EIF3B: variants seen among roughly 807,000 people sequenced by gnomAD.
EIF3B encodes the protein eukaryotic translation initiation factor 3 subunit 9.
In EIF3B, 10 loss-of-function variants were observed where a neutral mutation model predicts 104.6. That is an observed-to-expected ratio of 0.10 (90% CI 0.06 to 0.16). The LOEUF is 0.16. Ranked by LOEUF, EIF3B falls within the 10% of genes least tolerant of loss-of-function variation. EIF3B has a pLI of 1.00. For missense variants in EIF3B, 1,014 were observed against 1,087.9 expected, an observed-to-expected ratio of 0.93 and a Z score of 0.96; for synonymous variants, 542 against 417.2, an observed-to-expected ratio of 1.30 and a Z score of -3.65.
chr7:2,355,028 G>C lies in EIF3B; in HGVS notation c.107G>C (p.Arg36Pro). 4 of 1,191,470 alleles carry C rather than the reference G, an allele frequency of 3.4e-6. No homozygotes were observed. Among genetic ancestry groups the C allele is most frequent in the Non-Finnish European group, 4.2e-6 (4 of 963,110 alleles). 73.8% of individuals were successfully genotyped at this position (1,191,470 alleles called of 1,614,324 possible). A position where few individuals can be genotyped will look rare whatever the true frequency, so the allele number is the denominator to read the frequency against. Residue 36 changes from arginine (R) to proline (P), a missense_variant, in exon 1 of 19, where the codon CGG becomes CCG. By Grantham distance (103) the Arg-to-Pro change is moderately radical. This residue lies in a region of EIF3B where 488 missense variants were observed against 404.3 expected (regional missense o/e 1.21). Transcript: ENST00000360876. ...CCGCCGCCAGCCGAGGGGCTGCTGC[G>C]GCCCGCGGGGCCCGGCGCTCCGGAG... ...AEPPPAEGLL[R>P]PAGPGAPEAA...
intron 12 of EIF3B, chr7:2,374,098 GAGTT>G (rs1780508346): frequency 6.4e-6 from 1 of 155,046 alleles, no homozygotes. Flanking sequence ...CCGGAAGTAA[GAGTT>G]AGTACCTGCA....
intron 5 of EIF3B, 132 bp from the exon 6 acceptor site, chr7:2,364,240 A>C: frequency 3.8e-6 from 3 of 799,636 alleles, no homozygotes; most frequent in Non-Finnish European, 5.8e-6. Context: ...CCAGCCTGGG[A>C]GACAGCGAGA....
intron 16 of EIF3B, 165 bp downstream of exon 16, chr7:2,378,931 G>A (rs531354586): frequency 1.5e-4 from 117 of 765,502 alleles, no homozygotes; most frequent in East Asian, 6.7e-4. Flanking sequence ...GGGTTGGCAC[G>A]GGGACTTGGA....
intron 12 of EIF3B, chr7:2,374,263 A>T (rs1780516927): frequency 2.8e-6 from 1 of 356,696 alleles, no homozygotes; most frequent in Non-Finnish European, 5.2e-6. Flanking sequence ...TGTAAAGGGA[A>T]TTCTTTGTCC....
At chr7:2,354,797 G>GCGT (rs2115263603), upstream of EIF3B, 1 of 966,940 alleles carries the variant, frequency 1.0e-6, no homozygotes, top group Non-Finnish European at 1.2e-6. Context: ...CCGCCCCGCG[G>GCGT]CCTTGGTGCG....
At chr7:2,355,759 A>T (rs1273742531) in intron 1 of EIF3B, among the ~76,000 whole-genome samples, 1 of 152,096 alleles carries the variant, frequency 6.6e-6, no homozygotes, top group South Asian at 2.1e-4. Flanking sequence ...AGCTGGGGGT[A>T]CGGCAAAAAC....
intron 8 of EIF3B, 142 bp downstream of exon 8, chr7:2,366,733 C>A: frequency 2.0e-6 from 2 of 983,754 alleles, no homozygotes; most frequent in East Asian, 2.5e-5. Flanking sequence ...GCCTTTTTAA[C>A]TGCCCCTGCT....
At chr7:2,374,841 C>T (rs1583178056) in intron 13 of EIF3B, 2 of 435,244 alleles carry the variant, frequency 4.6e-6, no homozygotes, top group East Asian at 6.8e-5. Flanking sequence ...CGTGAAGTGA[C>T]CAGGCAGACC....
rs1416180452 is a variant in EIF3B at position 2,355,357 on chromosome 7, G to T, written c.436G>T (p.Gly146Cys). The change falls in exon 1 of 19, where the codon GGC becomes TGC. Residue 146 changes from glycine to cysteine, a missense_variant. Physicochemically the swap from Gly to Cys is radical, Grantham distance 159. Transcript: ENST00000360876. ...AEAEPRALEN[G>C]DADEPSFSDP... ...GGCCGAACCCCGGGCGCTGGAGAACGGCGACGCGGACGAGCCCTCCTTCAG... is the reference window on the plus strand; with the variant it reads ...GGCCGAACCCCGGGCGCTGGAGAACTGCGACGCGGACGAGCCCTCCTTCAG... 4 of 1,537,826 alleles carry T rather than the reference G, an allele frequency of 2.6e-6. No individual in the cohort carries two copies. In the Admixed American group the frequency reaches 7.8e-5, roughly 30 times the overall value.
chr7:2,380,603 G>T lies in EIF3B; in HGVS notation c.*414G>T. 1 of 339,866 alleles carries T rather than the reference G, an allele frequency of 2.9e-6. No individual in the cohort carries two copies. Among genetic ancestry groups the T allele is most frequent in the Non-Finnish European group, 5.8e-6 (1 of 171,576 alleles). The allele number at this position is 339,866 out of a possible 1,614,324, so 21.1% of individuals were successfully genotyped here. A position where few individuals can be genotyped will look rare whatever the true frequency, so the allele number is the denominator to read the frequency against. ...GAGCAGCATTTCCGTTGAAGGACTT[G>T]CATCCCCATTGCGGGCAGTGCTGGA... On this transcript the variant is annotated 3_prime_UTR_variant, in exon 19 of 19. Transcript: ENST00000360876.
At chr7:2,365,286 G>C (rs887603382) in intron 6 of EIF3B, among the ~76,000 whole-genome samples, 4 of 152,228 alleles carry the variant, frequency 2.6e-5, no homozygotes, top group African/African-American at 9.6e-5. Flanking sequence ...CCGGCTGTCG[G>C]AGGCCTGCTA....
chr7:2,360,655 T>C, intron 1 of EIF3B, 55 bp from the exon 2 acceptor site: 3 of 1,396,744 alleles, frequency 2.1e-6, no homozygotes, highest in Non-Finnish European at 3.0e-6. Flanking sequence ...GCTCAGTTAA[T>C]GTATTAATGT....
rs953999980 is a variant in EIF3B at position 2,354,893 on chromosome 7, G to A, written c.-29G>A. On this transcript the variant is annotated 5_prime_UTR_variant, in exon 1 of 19. Coordinates refer to ENST00000360876, the MANE Select transcript of EIF3B (RefSeq NM_001037283.2). Reference sequence around the variant, plus strand: ...GAGAGTCGGAAGCGCGGCGGCCGCGGAGCCCTGCGAGTAGGCAGCGTTGGG... The same window carrying A: ...GAGAGTCGGAAGCGCGGCGGCCGCGAAGCCCTGCGAGTAGGCAGCGTTGGG... 8 of 1,170,060 alleles carry A rather than the reference G, an allele frequency of 6.8e-6. No individual in the cohort carries two copies. Among genetic ancestry groups the A allele is most frequent in the Admixed American group, 4.7e-5 (1 of 21,340 alleles). 72.5% of individuals were successfully genotyped at this position (1,170,060 alleles called of 1,614,324 possible).
intron 16 of EIF3B, 78 bp downstream of exon 16, chr7:2,378,844 G>C (rs1780833106): frequency 2.3e-6 from 3 of 1,290,370 alleles, no homozygotes; most frequent in African/African-American, 1.5e-5. Context: ...GGGAGCTGCT[G>C]TGTATGTGCT....
At chr7:2,356,417 C>G (rs573677092) in intron 1 of EIF3B, among the ~76,000 whole-genome samples, 4 of 151,886 alleles carry the variant, frequency 2.6e-5, no homozygotes, top group Admixed American at 6.6e-5. Flanking sequence ...CTGGCTAACA[C>G]GGTGAAACCC....
Position 2,366,551 on chromosome 7 carries a change from C to T in EIF3B, c.1316C>T (p.Ala439Val). 6.2e-7 allele frequency: 1 copy of T among 1,614,148 alleles called. No homozygotes were observed. Among genetic ancestry groups the T allele is most frequent in the South Asian group, 1.1e-5 (1 of 91,074 alleles). Residue 439 changes from alanine to valine, a missense_variant, in exon 8 of 19, where the codon GCC (alanine) becomes GTC (valine). Physicochemically the swap from Ala to Val is moderately conservative, Grantham distance 64. This residue lies in a region of EIF3B where 201 missense variants were observed against 240.7 expected (regional missense o/e 0.83). Transcript: ENST00000360876. ...FKWSHDGKFF[A>V]RMTLDTLSIY... ...TGGAGCCATGATGGCAAATTCTTTG[C>T]CAGAATGACCCTGGATACGCTTAGC...
intron 11 of EIF3B, chr7:2,372,188 G>C (rs1025820099): frequency 7.0e-6 from 2 of 284,330 alleles, no homozygotes; most frequent in Non-Finnish European, 1.3e-5. Context: ...CCTGGGTGAC[G>C]GAGCAAGACC....
intron 15 of EIF3B, 90 bp from the exon 16 acceptor site, chr7:2,378,599 G>A (rs1184507041): frequency 8.8e-7 from 1 of 1,131,876 alleles, no homozygotes; most frequent in Non-Finnish European, 1.3e-6. Context: ...GAATGGCTTT[G>A]GGTGTCATGT....
chr7:2,372,977 G>A, intron 12 of EIF3B, 182 bp downstream of exon 12: 1 of 504,024 alleles, frequency 2.0e-6, no homozygotes, highest in Non-Finnish European at 3.2e-6. Context: ...CCGCCTCCTT[G>A]CAGGGTGTCT....
Sources: gnomAD v4.1 joint callset for allele counts (sites outside exome capture counted in the v4.1 genomes callset) on GRCh38, gnomAD v4.1.1 for gene constraint, gnomAD v4.1.1 regional missense constraint, MANE v1.5 for transcripts, NCBI Gene and HGNC (gene_info 2026-07-23, HGNC 2026-07-21) for gene names.